LINGO2: variants seen among roughly 807,000 people sequenced by gnomAD.
LINGO2 encodes leucine rich repeat and Ig domain containing 2, also known as leucine-rich repeat and immunoglobulin-like domain-containing nogo receptor-interacting protein 2.
LINGO2 carries 14 observed loss-of-function variants against 30.6 expected under a neutral mutation model. The observed-to-expected ratio is 0.46, with a 90% CI of 0.30 to 0.72. The LOEUF (loss-of-function observed/expected upper bound fraction) is 0.72, where lower values mean the gene tolerates loss of function less well. LINGO2 is among the 30% of genes least tolerant of loss of function. The probability of loss-of-function intolerance (pLI) is 0.07; values close to 1 mark genes in which losing one functional copy is unlikely to be tolerated. For synonymous variants in LINGO2, 317 were observed against 288.5 expected, an observed-to-expected ratio of 1.10 and a Z score of -1.00; for missense variants, 729 against 751.7, an observed-to-expected ratio of 0.97 and a Z score of 0.35.
chr9:28,639,256 G>C (rs1367302303), intron 1 of LINGO2, among the ~76,000 whole-genome samples: 4 of 152,058 alleles, frequency 2.6e-5, no homozygotes, highest in Non-Finnish European at 4.4e-5. Flanking sequence ...GGTCAATTTT[G>C]GAATAGGTGT....
Position 28,489,759 on chromosome 9 carries a change from G to T in LINGO2, c.-364-13734C>A, listed in dbSNP as rs542269204. ...AAAAAAACACAAAAATTAGCTGGGG[G>T]TGGTGGTGCGTGCCTGTAATCTCAG... On this transcript the variant is annotated intron_variant, in intron 1 of 5. Coordinates refer to ENST00000379992, the Ensembl canonical transcript of LINGO2. Among the ~76,000 whole-genome samples, 8 of 151,744 alleles carry T rather than the reference G, an allele frequency of 5.3e-5. No individual in the cohort carries two copies. In the South Asian group the frequency reaches 1.7e-3, roughly 32 times the overall value.
chr9:29,212,532 A>C, the LINGO2 span, among the ~76,000 whole-genome samples: 4 of 151,218 alleles, frequency 2.6e-5, no homozygotes, highest in African/African-American at 9.7e-5. Context: ...ACCGCGTCCT[A>C]GTTGCGTTCA....
At chr9:28,630,724 A>G (rs2135873972) in intron 1 of LINGO2, among the ~76,000 whole-genome samples, 1 of 152,226 alleles carries the variant, frequency 6.6e-6, no homozygotes, top group Non-Finnish European at 1.5e-5. Flanking sequence ...TAGTTAATCA[A>G]ATGGTTATAA....
the LINGO2 span, among the ~76,000 whole-genome samples, chr9:28,841,546 T>C: frequency 1.3e-5 from 2 of 151,736 alleles, no homozygotes; most frequent in Non-Finnish European, 2.9e-5. Flanking sequence ...GTTTACATTC[T>C]AGTTTGGGAA....
chr9:28,957,258 G>A, the LINGO2 span, among the ~76,000 whole-genome samples: 1 of 152,104 alleles, frequency 6.6e-6, no homozygotes. Flanking sequence ...GAGCACAAGA[G>A]GAAATTTCCT....
At chr9:29,212,480 G>A in the LINGO2 span, among the ~76,000 whole-genome samples, 1 of 151,986 alleles carries the variant, frequency 6.6e-6, no homozygotes, top group Non-Finnish European at 1.5e-5. Context: ...GCCGGGTGCC[G>A]CCGCCGCCCC....
intron 1 of LINGO2, among the ~76,000 whole-genome samples, chr9:28,605,017 G>T (rs1825641550): frequency 6.6e-6 from 1 of 151,994 alleles, no homozygotes; most frequent in South Asian, 2.1e-4. Flanking sequence ...TCAGACTGAG[G>T]AATAGCTAAA....
At chr9:29,123,738 C>G in the LINGO2 span, among the ~76,000 whole-genome samples, 1 of 151,936 alleles carries the variant, frequency 6.6e-6, no homozygotes, top group Non-Finnish European at 1.5e-5. Flanking sequence ...CTCAAATACA[C>G]TAACAATGAA....
chr9:28,173,709 G>A (rs1428136479), intron 4 of LINGO2, among the ~76,000 whole-genome samples: 2 of 152,174 alleles, frequency 1.3e-5, no homozygotes, highest in African/African-American at 2.4e-5. Context: ...AAGAATGTTT[G>A]TTTCACTGTG....
the LINGO2 span, among the ~76,000 whole-genome samples, chr9:29,147,818 T>G: frequency 6.6e-6 from 1 of 152,206 alleles, no homozygotes; most frequent in Middle Eastern, 3.4e-3. Flanking sequence ...TTGAAACCAC[T>G]ACAAATTAAA....
chr9:29,005,269 T>C, the LINGO2 span, among the ~76,000 whole-genome samples: 13 of 151,866 alleles, frequency 8.6e-5, no homozygotes, highest in African/African-American at 2.9e-4. Flanking sequence ...TAATAATACA[T>C]CAGGGTTACC....
chr9:28,992,232 C>T, the LINGO2 span, among the ~76,000 whole-genome samples: 1 of 151,800 alleles, frequency 6.6e-6, no homozygotes, highest in Admixed American at 6.6e-5. Flanking sequence ...TCTGATAAAA[C>T]AGACTTTAAA....
At chr9:28,747,991 G>A in the LINGO2 span, among the ~76,000 whole-genome samples, 2 of 152,042 alleles carry the variant, frequency 1.3e-5, no homozygotes, top group Non-Finnish European at 2.9e-5. Context: ...GTCATTGGCA[G>A]GTATCTGCAT....
chr9:29,076,437 A>T, the LINGO2 span, among the ~76,000 whole-genome samples: 1 of 151,732 alleles, frequency 6.6e-6, no homozygotes, highest in Non-Finnish European at 1.5e-5. Flanking sequence ...AGCAAAGGAG[A>T]AAATATAAAA....
the LINGO2 span, among the ~76,000 whole-genome samples, chr9:28,874,201 T>C: frequency 6.6e-6 from 1 of 152,088 alleles, no homozygotes; most frequent in African/African-American, 2.4e-5. Flanking sequence ...TACCATTGTT[T>C]ACTTTTAAAA....
At chr9:28,091,144 G>A (rs1309631246) in intron 4 of LINGO2, among the ~76,000 whole-genome samples, 3 of 152,144 alleles carry the variant, frequency 2.0e-5, no homozygotes, top group Non-Finnish European at 2.9e-5. Flanking sequence ...ATTGCCCAAG[G>A]TAATTTATAG....
At chr9:28,070,137 G>T (rs1473863475) in intron 4 of LINGO2, among the ~76,000 whole-genome samples, 1 of 152,156 alleles carries the variant, frequency 6.6e-6, no homozygotes, top group South Asian at 2.1e-4. Flanking sequence ...CTCAATAAGA[G>T]TTACCCACTT....
the LINGO2 span, chr9:27,940,225 T>G: frequency 3.3e-5 from 5 of 152,204 alleles, no homozygotes; most frequent in African/African-American, 1.2e-4. Context: ...ATACATATAC[T>G]ACTTTGAGAG....
intron 4 of LINGO2, among the ~76,000 whole-genome samples, chr9:28,138,017 C>A (rs1471095926): frequency 6.6e-6 from 1 of 152,136 alleles, no homozygotes; most frequent in Non-Finnish European, 1.5e-5. Flanking sequence ...CATGCATTAT[C>A]AAGTTTGTTC....
Sources: gnomAD v4.1 joint callset for allele counts (sites outside exome capture counted in the v4.1 genomes callset) on GRCh38, gnomAD v4.1.1 for gene constraint, MANE v1.5 for transcripts, NCBI Gene and HGNC (gene_info 2026-07-23, HGNC 2026-07-21) for gene names.